ANO4: variants seen among roughly 807,000 people sequenced by gnomAD.
The protein encoded by ANO4 is anoctamin 4.
ANO4 carries 69 observed loss-of-function variants against 141.9 expected under a neutral mutation model. The observed-to-expected ratio is 0.49, with a 90% CI of 0.40 to 0.59. The LOEUF is 0.59. ANO4 is among the 20% of genes least tolerant of loss of function. The pLI is 0.00. For missense variants in ANO4, 894 were observed against 1,162.2 expected, an observed-to-expected ratio of 0.77 and a Z score of 3.36; for synonymous variants, 350 against 394.3, an observed-to-expected ratio of 0.89 and a Z score of 1.33.
intron 3 of ANO4, among the ~76,000 whole-genome samples, chr12:100,923,758 G>A (rs765923090): frequency 2.8e-4 from 42 of 152,226 alleles, no homozygotes; most frequent in Non-Finnish European, 5.1e-4. Flanking sequence ...CACCAACAGT[G>A]TAAAAGCATT....
At chr12:100,861,740 CTT>C (rs1342690384) in intron 1 of ANO4, among the ~76,000 whole-genome samples, 1 of 152,132 alleles carries the variant, frequency 6.6e-6, no homozygotes, top group Non-Finnish European at 1.5e-5. Flanking sequence ...GTTTTTGACT[CTT>C]TTGTAATAAT....
intron 1 of ANO4, among the ~76,000 whole-genome samples, chr12:100,872,246 C>A (rs1349366650): frequency 6.6e-6 from 1 of 152,098 alleles, no homozygotes; most frequent in Non-Finnish European, 1.5e-5. Flanking sequence ...CTTCAGCTTC[C>A]CTTTCCTAAG....
intron 1 of ANO4, among the ~76,000 whole-genome samples, chr12:100,831,186 G>T (rs2036612581): frequency 6.6e-6 from 1 of 152,062 alleles, no homozygotes; most frequent in Admixed American, 6.6e-5. Context: ...TTTTCCTTGA[G>T]GTTGTTGCAG....
chr12:101,084,349 C>G (rs10507129), intron 16 of ANO4, among the ~76,000 whole-genome samples: 8,659 of 152,166 alleles, frequency 0.057, 769 homozygotes, highest in African/African-American at 0.19. Context: ...AATTTCCTGA[C>G]TCACTAATGA....
At chr12:100,883,171 A>G (rs1310447297) in intron 1 of ANO4, among the ~76,000 whole-genome samples, 1 of 152,242 alleles carries the variant, frequency 6.6e-6, no homozygotes, top group East Asian at 1.9e-4. Context: ...CTAAAATTTC[A>G]AACAGCAAAT....
intron 8 of ANO4, among the ~76,000 whole-genome samples, chr12:101,001,005 G>T (rs2045611869): frequency 6.6e-6 from 1 of 152,102 alleles, no homozygotes; most frequent in African/African-American, 2.4e-5. Flanking sequence ...TACTATAATA[G>T]AAAAATATAT....
At chr12:101,016,492 C>T (rs1047614394) in intron 8 of ANO4, among the ~76,000 whole-genome samples, 9 of 152,134 alleles carry the variant, frequency 5.9e-5, no homozygotes, top group Non-Finnish European at 1.0e-4. Flanking sequence ...CCAGACCCCA[C>T]CTCTAACACT....
At chr12:100,922,436 T>C (rs1196397139) in intron 3 of ANO4, 106 bp downstream of exon 3, 8 of 726,670 alleles carry the variant, frequency 1.1e-5, no homozygotes, top group Non-Finnish European at 1.7e-5. Flanking sequence ...TAAAAAATAT[T>C]AACAAAATGA....
chr12:100,947,606 AACAC>A (rs1221012987), intron 5 of ANO4, among the ~76,000 whole-genome samples: 2 of 152,152 alleles, frequency 1.3e-5, no homozygotes, highest in Non-Finnish European at 2.9e-5. Flanking sequence ...AACTGCAGTA[AACAC>A]ACACACACAT....
intron 8 of ANO4, among the ~76,000 whole-genome samples, chr12:100,989,067 A>T (rs1026422539): frequency 6.6e-6 from 1 of 152,170 alleles, no homozygotes; most frequent in African/African-American, 2.4e-5. Flanking sequence ...GTGTAACAGT[A>T]AGAGCAGTCT....
intron 8 of ANO4, among the ~76,000 whole-genome samples, chr12:101,014,365 C>G (rs1041717581): frequency 6.6e-6 from 1 of 152,130 alleles, no homozygotes; most frequent in Non-Finnish European, 1.5e-5. Flanking sequence ...AATCTTCCAC[C>G]ACCCCGGGTG....
Position 101,099,643 on chromosome 12 carries a change from G to T in ANO4, c.2072G>T (p.Ser691Ile). 6.2e-7 allele frequency: 1 copy of T among 1,612,084 alleles called. No homozygotes were observed. The highest frequency in any genetic ancestry group is 8.5e-7 in the Non-Finnish European group (1 of 1,179,266). ...GAACATGGACCTGAAAGGAAAATAAGTTTCCCACAATGGGAAAAGGACTAT... is the reference window on the plus strand; with the variant it reads ...GAACATGGACCTGAAAGGAAAATAATTTTCCCACAATGGGAAAAGGACTAT... ...RQEHGPERKI[S>I]FPQWEKDYNL... Residue 691 changes from serine to isoleucine, a missense_variant, in exon 22 of 28, where the codon AGT (serine) becomes ATT (isoleucine). This residue lies in a region of ANO4 where 637 missense variants were observed against 909.2 expected (regional missense o/e 0.70). Transcript: ENST00000392977.
chr12:101,110,284 C>G, intron 22 of ANO4, 120 bp from the exon 23 acceptor site: 2 of 1,030,992 alleles, frequency 1.9e-6, no homozygotes, highest in Non-Finnish European at 2.6e-6. Flanking sequence ...GAGATATCCC[C>G]TGTGCGTCTG....
chr12:100,755,730 C>T (rs2032580172), intron 3 of ANO4, among the ~76,000 whole-genome samples: 1 of 152,134 alleles, frequency 6.6e-6, no homozygotes, highest in Non-Finnish European at 1.5e-5. Flanking sequence ...ACCTGCTTAA[C>T]CCAAATATTT....
intron 3 of ANO4, among the ~76,000 whole-genome samples, chr12:100,930,367 G>C (rs573866430): frequency 3.3e-4 from 50 of 152,238 alleles, no homozygotes; most frequent in Admixed American, 7.2e-4. Context: ...TATATGGTGA[G>C]AGATAGGGGT....
At chr12:100,799,754 G>A (rs1361151557) in intron 1 of ANO4, among the ~76,000 whole-genome samples, 1 of 152,036 alleles carries the variant, frequency 6.6e-6, no homozygotes, top group East Asian at 1.9e-4. Flanking sequence ...AAAACCAAAA[G>A]GAACCTTAAA....
chr12:100,870,669 A>T (rs546136705), intron 1 of ANO4, among the ~76,000 whole-genome samples: 7 of 152,208 alleles, frequency 4.6e-5, no homozygotes, highest in African/African-American at 1.7e-4. Flanking sequence ...AACTCTTTTT[A>T]TGGACTGGAG....
At chr12:100,988,443 C>T (rs1473488634) in intron 8 of ANO4, among the ~76,000 whole-genome samples, 1 of 151,796 alleles carries the variant, frequency 6.6e-6, no homozygotes, top group Non-Finnish European at 1.5e-5. Flanking sequence ...AGCCCCACCT[C>T]CCTTGCAACA....
Position 100,987,660 on chromosome 12 carries a change from A to C in ANO4, c.724A>C (p.Arg242=), listed in dbSNP as rs1435718726. The change falls in exon 8 of 28, where the codon AGG becomes CGG. Residue 242 remains arginine (R), a synonymous_variant. Transcript: ENST00000392977. ...CTACACTGCCCCTTTCAGCCAGCAA[A>C]GGATCCATCAGTGAGTGTTCCATGT... ...DCYTAPFSQQ[R]IHHFIIHNKE... 1.2e-6 allele frequency: 2 copies of C among 1,613,790 alleles called. No homozygotes were observed. Among genetic ancestry groups the C allele is most frequent in the Admixed American group, 1.7e-5 (1 of 59,986 alleles).
Sources: allele counts gnomAD v4.1 joint callset (sites outside exome capture counted in the v4.1 genomes callset), GRCh38; gene constraint gnomAD v4.1.1; regional missense constraint gnomAD v4.1.1; transcripts MANE v1.5; gene names NCBI Gene and HGNC (gene_info 2026-07-23, HGNC 2026-07-21).